The following RBM39 variants were observed in gnomAD, a reference collection of about 807,000 sequenced individuals.
The protein encoded by RBM39 is RNA binding motif protein 39.
RBM39 carries 12 observed loss-of-function variants against 79.6 expected under a neutral mutation model. The ratio of observed to expected loss-of-function variants is 0.15; its 90% CI spans 0.10 to 0.24. The LOEUF (loss-of-function observed/expected upper bound fraction) is 0.24. Ranked by LOEUF, RBM39 falls within the 10% of genes least tolerant of loss-of-function variation. RBM39 has a pLI of 1.00. For missense variants in RBM39, 243 were observed against 653.4 expected, an observed-to-expected ratio of 0.37 and a Z score of 6.85; for synonymous variants, 185 against 208.4, an observed-to-expected ratio of 0.89 and a Z score of 0.97.
At chr20:35,733,639 A>C (rs2146702557) in intron 3 of RBM39, among the ~76,000 whole-genome samples, 1 of 149,242 alleles carries the variant, frequency 6.7e-6, no homozygotes, top group South Asian at 2.1e-4. Flanking sequence ...GAACTAACGC[A>C]TTAAAATACA....
intron 14 of RBM39, 33 bp downstream of exon 14, chr20:35,707,087 T>C (rs1440152669): frequency 1.7e-6 from 2 of 1,185,432 alleles, no homozygotes; most frequent in Non-Finnish European, 2.4e-6. Flanking sequence ...GACGCCTTGA[T>C]AGGAAATATC....
In RBM39 at chr20:35,714,405, G is replaced by C; in HGVS notation, c.892-16C>G. The C allele has an allele frequency of 6.2e-7, 1 of 1,611,362 alleles. No individual in the cohort carries two copies. Among genetic ancestry groups the C allele is most frequent in the South Asian group, 1.1e-5 (1 of 90,782 alleles). On this transcript the variant is annotated splice_polypyrimidine_tract_variant and intron_variant, in intron 10 of 16. Transcript: ENST00000253363. Reference sequence around the variant, plus strand: ...AGTCAGAAAACTACATGATAGGGGAGGCAAGGACAGGAGACAGTGCTTTAA... The same window carrying C: ...AGTCAGAAAACTACATGATAGGGGACGCAAGGACAGGAGACAGTGCTTTAA...
At position 35,736,842 on chromosome 20, in the gene RBM39, G is replaced by A. The variant is rs530202817; in HGVS notation, c.101+2126C>T. On this transcript the variant is annotated intron_variant, in intron 3 of 16. Transcript: ENST00000253363. ...TAATTTTTGTATTTTTAGTAGAGAC[G>A]GGGTTTCACCATGTTGGCCAGGATG... is the stretch of plus-strand genomic sequence containing the variant. 3.0e-4 allele frequency among the ~76,000 whole-genome samples: 45 copies of A among 151,664 alleles called. 1 individual carries two copies. The highest frequency in any genetic ancestry group is 1.8e-3 in the East Asian group (9 of 5,060).
intron 10 of RBM39, 122 bp downstream of exon 10, chr20:35,716,618 G>C (rs1600453049): frequency 1.4e-6 from 1 of 697,626 alleles, no homozygotes. Flanking sequence ...AATCCCAGCA[G>C]TTTGGAAGGC....
rs2035358337 is a variant in RBM39 at position 35,703,119 on chromosome 20, A to G, written c.*1362T>C. The G allele has an allele frequency of 6.6e-6, 1 of 152,228 alleles. No homozygotes were observed. The highest frequency in any genetic ancestry group is 1.5e-5 in the Non-Finnish European group (1 of 68,036). The allele number at this position is 152,228 out of a possible 1,614,324, so 9.4% of individuals were successfully genotyped here. ...AGCTAGGAGCAGCATTTCCTACTCAAAAGATTTACCAAGAGATAAACAGTT... is the reference window on the plus strand; with the variant it reads ...AGCTAGGAGCAGCATTTCCTACTCAGAAGATTTACCAAGAGATAAACAGTT... On this transcript the variant is annotated 3_prime_UTR_variant, in exon 17 of 17. Transcript: ENST00000253363.
intron 3 of RBM39, among the ~76,000 whole-genome samples, chr20:35,737,383 C>T (rs1210547999): frequency 7.6e-6 from 1 of 131,652 alleles, no homozygotes; most frequent in Non-Finnish European, 1.6e-5. Context: ...GACTGAAACT[C>T]CATCTCAAAA....
Position 35,722,928 on chromosome 20 carries a change from C to T in RBM39, c.688-1051G>A, listed in dbSNP as rs1041219487. Among the ~76,000 whole-genome samples the T allele has an allele frequency of 6.2e-5, 9 of 146,004 alleles. No homozygotes were observed. In the South Asian group the frequency reaches 6.8e-4, roughly 11 times the overall value. ...CAGCCTGGGCGACAGAGCGAGACTC[C>T]GTCTCAAGAGAAAAAAAAAAAAAAA... On this transcript the variant is annotated intron_variant, in intron 8 of 16. Coordinates refer to ENST00000253363, the MANE Select transcript of RBM39 (RefSeq NM_184234.3).
chr20:35,730,320 T>C (rs1339027485), intron 4 of RBM39, among the ~76,000 whole-genome samples: 1 of 152,222 alleles, frequency 6.6e-6, no homozygotes, highest in Non-Finnish European at 1.5e-5. Flanking sequence ...AGTTGTCCAT[T>C]AGTGCTCATC....
chr20:35,710,423 A>G (rs2036259529), intron 12 of RBM39: 2 of 152,080 alleles, frequency 1.3e-5, no homozygotes, highest in South Asian at 2.1e-4. Flanking sequence ...TTTTTTTCCT[A>G]AAATGGGAAA....
At chr20:35,721,571 T>C (rs2037946272) in intron 9 of RBM39, among the ~76,000 whole-genome samples, 169 bp downstream of exon 9, 1 of 152,256 alleles carries the variant, frequency 6.6e-6, no homozygotes, top group African/African-American at 2.4e-5. Flanking sequence ...TTTAAGAATC[T>C]ATCAAGTGAC....
chr20:35,714,468 AT>A, intron 10 of RBM39, 79 bp from the exon 11 acceptor site: 1 of 1,428,612 alleles, frequency 7.0e-7, no homozygotes, highest in Non-Finnish European at 9.2e-7. Context: ...ATATATTTAT[AT>A]TTTTAGCATA....
chr20:35,732,453 G>A (rs1047999134), intron 3 of RBM39: 2 of 269,430 alleles, frequency 7.4e-6, no homozygotes, highest in African/African-American at 2.2e-5. Context: ...CTACTCGGGA[G>A]GCTAAGGCAG....
At chr20:35,721,915 C>A in intron 8 of RBM39, 38 bp from the exon 9 acceptor site, 1 of 1,602,120 alleles carries the variant, frequency 6.2e-7, no homozygotes, top group Non-Finnish European at 8.5e-7. Flanking sequence ...AGATAACACA[C>A]AGCAGTTTAA....
At chr20:35,732,353 C>T in intron 3 of RBM39, 1 of 562,786 alleles carries the variant, frequency 1.8e-6, no homozygotes, top group East Asian at 3.1e-5. Flanking sequence ...GTCAGGAGTT[C>T]AAGACCAGTC....
chr20:35,721,585 T>C (rs954357594), intron 9 of RBM39, among the ~76,000 whole-genome samples, 155 bp downstream of exon 9: 2 of 152,264 alleles, frequency 1.3e-5, no homozygotes, highest in African/African-American at 4.8e-5. Context: ...AAGTGACCTA[T>C]TTTAATCTAT....
intron 9 of RBM39, among the ~76,000 whole-genome samples, chr20:35,719,489 G>A (rs1240519138): frequency 1.3e-5 from 2 of 152,138 alleles, no homozygotes; most frequent in East Asian, 2.0e-4. Context: ...ATCACCTGAG[G>A]TCAAGAGTTC....
intron 13 of RBM39, 199 bp downstream of exon 13, chr20:35,709,025 T>C: frequency 2.2e-6 from 1 of 445,336 alleles, no homozygotes; most frequent in Non-Finnish European, 3.9e-6. Context: ...GTTATTTTGA[T>C]TTTTTTTAAG....
chr20:35,729,417 T>C, intron 5 of RBM39, 45 bp downstream of exon 5: 52 of 1,607,888 alleles, frequency 3.2e-5, no homozygotes, highest in Non-Finnish European at 4.3e-5. Context: ...AGCATGTTAG[T>C]TCCTTGAAAA....
At chr20:35,737,636 G>T (rs2146735954) in intron 3 of RBM39, among the ~76,000 whole-genome samples, 1 of 151,514 alleles carries the variant, frequency 6.6e-6, no homozygotes, top group African/African-American at 2.4e-5. Context: ...GCCAAGGCAG[G>T]CGGATCACAA....
Sources: gnomAD v4.1 joint callset for allele counts (sites outside exome capture counted in the v4.1 genomes callset) on GRCh38, gnomAD v4.1.1 for gene constraint, MANE v1.5 for transcripts, NCBI Gene and HGNC (gene_info 2026-07-23, HGNC 2026-07-21) for gene names.